SAAL1: variants seen among roughly 807,000 people sequenced by gnomAD.
SAAL1 encodes the protein serum amyloid A like 1.
SAAL1 carries 42 observed loss-of-function variants against 59.8 expected under a neutral mutation model. The ratio of observed to expected loss-of-function variants is 0.70; its 90% CI spans 0.55 to 0.91. SAAL1 has a LOEUF of 0.91. Ranked by LOEUF, SAAL1 falls within the 40% of genes least tolerant of loss-of-function variation. The pLI, the probability that SAAL1 is intolerant of heterozygous loss-of-function variation, is 0.00. For missense variants in SAAL1, 542 were observed against 561.1 expected (o/e 0.97, Z 0.34); for synonymous variants, 191 against 194.3 (o/e 0.98, Z 0.14).
At chr11:18,086,214 G>C (rs887732548) in intron 9 of SAAL1, among the ~76,000 whole-genome samples, 1 of 152,054 alleles carries the variant, frequency 6.6e-6, no homozygotes, top group African/African-American at 2.4e-5. Flanking sequence ...ACAAGCCTGG[G>C]CAAGATTGTG....
At chr11:18,090,645 TAAAGC>T (rs1848514671) in intron 4 of SAAL1, 152 bp from the exon 5 acceptor site, 13 of 834,734 alleles carry the variant, frequency 1.6e-5, no homozygotes, top group Non-Finnish European at 2.1e-5. Context: ...TAAATAATTA[TAAAGC>T]AAACACTCGT....
intron 2 of SAAL1, among the ~76,000 whole-genome samples, chr11:18,098,337 C>T (rs4757615): frequency 0.18 from 27,204 of 152,136 alleles, 2,864 homozygotes; most frequent in Middle Eastern, 0.28. Context: ...TGCCACAGTG[C>T]CTAAAGGGGC....
At chr11:18,098,193 G>A (rs1848597646) in intron 2 of SAAL1, among the ~76,000 whole-genome samples, 2 of 151,982 alleles carry the variant, frequency 1.3e-5, no homozygotes, top group Admixed American at 1.3e-4. Flanking sequence ...TTAAAACACG[G>A]TAGGGGAAAG....
At chr11:18,080,818 G>A (rs998510143) in intron 11 of SAAL1, among the ~76,000 whole-genome samples, 1 of 152,098 alleles carries the variant, frequency 6.6e-6, no homozygotes, top group Non-Finnish European at 1.5e-5. Flanking sequence ...GATGTCATTT[G>A]AAGAACCATA....
intron 9 of SAAL1, among the ~76,000 whole-genome samples, chr11:18,085,838 C>A (rs1848458143): frequency 6.6e-6 from 1 of 151,720 alleles, no homozygotes. Flanking sequence ...ACTGGGTAGC[C>A]CTCTGGGAAA....
Position 18,082,227 on chromosome 11 carries a change from T to C in SAAL1, c.1240-724A>G, listed in dbSNP as rs543619371. On this transcript the variant is annotated intron_variant, in intron 10 of 11. Coordinates refer to ENST00000524803, the MANE Select transcript of SAAL1 (RefSeq NM_138421.3). ...GGGAAAAAAATACATGCGATAAATA[T>C]GGAAAAGATACATTATTACCCAAGA... Among the ~76,000 whole-genome samples, 5 of 152,126 alleles carry C rather than the reference T, an allele frequency of 3.3e-5. 1 individual carries two copies. Among genetic ancestry groups the C allele is most frequent in the South Asian group, 4.2e-4 (2 of 4,810 alleles).
chr11:18,100,046 C>T (rs1013709408), intron 2 of SAAL1, among the ~76,000 whole-genome samples: 11 of 152,160 alleles, frequency 7.2e-5, no homozygotes, highest in East Asian at 3.9e-4. Context: ...CAAACAGTAG[C>T]GCTGTTTTCT....
intron 6 of SAAL1, 21 bp downstream of exon 6, chr11:18,090,154 C>G: frequency 7.1e-7 from 1 of 1,412,260 alleles, no homozygotes; most frequent in Non-Finnish European, 9.5e-7. Flanking sequence ...CATTTTTTTT[C>G]TAGAGTACAT....
chr11:18,100,558 C>A (rs1848624005), intron 2 of SAAL1, among the ~76,000 whole-genome samples: 1 of 152,138 alleles, frequency 6.6e-6, no homozygotes, highest in Non-Finnish European at 1.5e-5. Flanking sequence ...GGCAAAACCC[C>A]ATCTCTACAA....
rs35394666 is a variant in SAAL1, at chr11:18,080,467, G to C, written c.1357C>G (p.Arg453Gly). Residue 453 changes from arginine to glycine, a missense_variant, in exon 12 of 12, where the codon CGT becomes GGT. Transcript: ENST00000524803. ...TCAGCAAGCGCCTTATCAACTTCAC[G>C]TAGGATTTTAATAAAATCTTCCACC... is the stretch of plus-strand genomic sequence containing the variant. ...PVVEDFIKIL[R>G]EVDKALADDL... The C allele has an allele frequency of 1.3e-6, 2 of 1,582,960 alleles. No homozygotes were observed. Among genetic ancestry groups the C allele is most frequent in the Non-Finnish European group, 1.7e-6 (2 of 1,171,818 alleles).
At chr11:18,088,734 A>G (rs1848492795) in intron 7 of SAAL1, among the ~76,000 whole-genome samples, 1 of 152,250 alleles carries the variant, frequency 6.6e-6, no homozygotes, top group Admixed American at 6.5e-5. Context: ...ATACTGATGA[A>G]GCAGGTTTAG....
At chr11:18,095,030 G>C (rs1848558073) in intron 3 of SAAL1, among the ~76,000 whole-genome samples, 1 of 152,102 alleles carries the variant, frequency 6.6e-6, no homozygotes, top group African/African-American at 2.4e-5. Context: ...TCAGAGTGTG[G>C]CAATGCACCA....
At chr11:18,081,805 A>C (rs1032106248) in intron 10 of SAAL1, 23 of 293,836 alleles carry the variant, frequency 7.8e-5, no homozygotes, top group Middle Eastern at 2.0e-3. Flanking sequence ...ATTCTATTCT[A>C]CCAAATCTCT....
intron 9 of SAAL1, among the ~76,000 whole-genome samples, chr11:18,084,924 C>T (rs1590283665): frequency 6.6e-6 from 1 of 152,104 alleles, no homozygotes; most frequent in Non-Finnish European, 1.5e-5. Context: ...CGTCACCAAG[C>T]CTGGCTAATT....
intron 4 of SAAL1, chr11:18,090,810 T>C (rs2134059473): frequency 5.0e-6 from 1 of 199,670 alleles, no homozygotes; most frequent in East Asian, 1.2e-4. Context: ...TTATTTTATA[T>C]ATTTTGGTGT....
In SAAL1 at chr11:18,083,626, C is replaced by T. The variant is rs777666170; in HGVS notation, c.1148G>A (p.Arg383Lys). The T allele has an allele frequency of 3.7e-6, 6 of 1,607,964 alleles. No individual in the cohort carries two copies. Among genetic ancestry groups the T allele is most frequent in the Non-Finnish European group, 4.3e-6 (5 of 1,174,810 alleles). Residue 383 changes from arginine to lysine, a missense_variant, in exon 10 of 12, where the codon AGG (arginine) becomes AAG (lysine). Arg to Lys is a conservative substitution (Grantham distance 26, BLOSUM62 2). Coordinates refer to ENST00000524803, the MANE Select transcript of SAAL1 (RefSeq NM_138421.3). ...SAESNTEETKRTDLTQDDFHL... is the reference protein window; with the variant it reads ...SAESNTEETKKTDLTQDDFHL... ...GAAATCATCTTGGGTTAAATCAGTC[C>T]TTTTAGTTTCCTCTGTGTTAGACTC...
chr11:18,100,587 C>CTG lies in SAAL1; in HGVS notation c.249+2644_249+2645dup, dbSNP rs774775318. ...TCTACAAAAAATACAGAGCGAGACT[C>CTG]TGTCTCAAAAAAAATTGTAAACACA... On this transcript the variant is annotated intron_variant, in intron 2 of 11. Transcript: ENST00000524803. Among the ~76,000 whole-genome samples, 32 of 152,214 alleles carry CTG rather than the reference C, an allele frequency of 2.1e-4. No individual in the cohort carries two copies. The Middle Eastern group carries it at 0.01, about 49-fold the overall frequency.
intron 6 of SAAL1, 106 bp downstream of exon 6, chr11:18,090,069 A>G (rs1848506021): frequency 2.8e-6 from 3 of 1,067,622 alleles, no homozygotes; most frequent in African/African-American, 1.6e-5. Flanking sequence ...ATTACCTTGC[A>G]CTCAAGGCTT....
intron 9 of SAAL1, among the ~76,000 whole-genome samples, chr11:18,084,839 C>T (rs914523729): frequency 6.6e-6 from 1 of 152,266 alleles, no homozygotes; most frequent in East Asian, 1.9e-4. Flanking sequence ...GATTTCAGCT[C>T]ACTGCAGCCT....
Sources: allele counts gnomAD v4.1 joint callset (sites outside exome capture counted in the v4.1 genomes callset), GRCh38; gene constraint gnomAD v4.1.1; transcripts MANE v1.5; gene names NCBI Gene and HGNC (gene_info 2026-07-23, HGNC 2026-07-21).